The following PTPRD variants were observed in gnomAD, a reference collection of about 807,000 sequenced individuals.
PTPRD encodes the protein receptor-type tyrosine-protein phosphatase delta.
PTPRD carries 34 observed loss-of-function variants against 214.5 expected under a neutral mutation model. The ratio of observed to expected loss-of-function variants is 0.16; its 90% CI spans 0.12 to 0.21. PTPRD has a LOEUF of 0.21. Among genes scored for constraint, PTPRD ranks in the 10% least tolerant of loss-of-function variants. The pLI, the probability that PTPRD is intolerant of heterozygous loss-of-function variation, is 1.00. For missense variants in PTPRD, 2,545 were observed against 2,398.7 expected, an observed-to-expected ratio of 1.06 and a Z score of -1.27; for synonymous variants, 1,128 against 845.7, an observed-to-expected ratio of 1.33 and a Z score of -5.79.
intron 11 of PTPRD, among the ~76,000 whole-genome samples, chr9:8,808,462 CTTTTT>C (rs34627797): frequency 1.0e-5 from 1 of 98,810 alleles, no homozygotes. Context: ...AGCCCCCCAC[CTTTTT>C]TTTTTTTTTT....
At chr9:9,343,137 A>G (rs1241841413) in intron 9 of PTPRD, among the ~76,000 whole-genome samples, 2 of 152,122 alleles carry the variant, frequency 1.3e-5, no homozygotes, top group Admixed American at 1.3e-4. Flanking sequence ...TATCACTGAT[A>G]GGCATTTGGG....
chr9:9,016,962 T>A (rs79964642), intron 11 of PTPRD, among the ~76,000 whole-genome samples: 2,118 of 152,176 alleles, frequency 0.014, 38 homozygotes, highest in African/African-American at 0.047. Context: ...TTAGAGTCAA[T>A]GGGCGTTTTC....
chr9:9,337,276 G>A (rs1274285490), intron 9 of PTPRD, among the ~76,000 whole-genome samples: 1 of 152,154 alleles, frequency 6.6e-6, no homozygotes, highest in African/African-American at 2.4e-5. Flanking sequence ...ATTGTAGTCA[G>A]CAATGAAAGC....
chr9:9,140,780 G>A (rs1202136929), intron 10 of PTPRD, among the ~76,000 whole-genome samples: 4 of 151,970 alleles, frequency 2.6e-5, no homozygotes, highest in Admixed American at 2.6e-4. Context: ...GGGTTTCACC[G>A]TATTAGCCAG....
At chr9:9,672,802 C>A (rs192246852) in intron 7 of PTPRD, among the ~76,000 whole-genome samples, 12 of 152,034 alleles carry the variant, frequency 7.9e-5, no homozygotes, top group Non-Finnish European at 1.5e-4. Flanking sequence ...TCTAGACATA[C>A]GACCTAAATC....
chr9:10,153,607 C>T (rs528712960), intron 3 of PTPRD, among the ~76,000 whole-genome samples: 21 of 151,946 alleles, frequency 1.4e-4, no homozygotes, highest in Non-Finnish European at 2.6e-4. Context: ...ACTACTGTCA[C>T]TGAGGTTTCT....
intron 5 of PTPRD, among the ~76,000 whole-genome samples, chr9:9,870,874 G>C (rs1385571810): frequency 6.6e-6 from 1 of 152,026 alleles, no homozygotes; most frequent in African/African-American, 2.4e-5. Flanking sequence ...AAGGGATAAG[G>C]GATATATACG....
chr9:8,762,951 C>A (rs565533932), intron 11 of PTPRD, among the ~76,000 whole-genome samples: 4 of 152,148 alleles, frequency 2.6e-5, no homozygotes, highest in Non-Finnish European at 4.4e-5. Flanking sequence ...CTCCTTCCAG[C>A]GTGACACTGA....
At chr9:9,928,284 C>A (rs1044802170) in intron 5 of PTPRD, among the ~76,000 whole-genome samples, 3 of 152,114 alleles carry the variant, frequency 2.0e-5, no homozygotes, top group Admixed American at 2.0e-4. Flanking sequence ...TCTTAATATT[C>A]TTTGCCTTTA....
At chr9:9,774,666 C>G (rs2098782250) in intron 5 of PTPRD, among the ~76,000 whole-genome samples, 1 of 152,044 alleles carries the variant, frequency 6.6e-6, no homozygotes, top group African/African-American at 2.4e-5. Flanking sequence ...TTTGAAGGAT[C>G]CATTATACTT....
intron 3 of PTPRD, among the ~76,000 whole-genome samples, chr9:10,186,813 A>G (rs972395716): frequency 9.2e-5 from 14 of 152,118 alleles, no homozygotes; most frequent in African/African-American, 3.4e-4. Flanking sequence ...CATCTGGGGA[A>G]GACTACTGAA....
chr9:8,828,764 T>C (rs965179798), intron 11 of PTPRD, among the ~76,000 whole-genome samples: 1 of 152,220 alleles, frequency 6.6e-6, no homozygotes, highest in Admixed American at 6.5e-5. Context: ...TTTTCTGGAT[T>C]CATTATAAAG....
At chr9:10,227,827 T>C (rs1460730185) in intron 3 of PTPRD, among the ~76,000 whole-genome samples, 2 of 151,968 alleles carry the variant, frequency 1.3e-5, no homozygotes, top group African/African-American at 4.8e-5. Context: ...TGGGCCTATG[T>C]TTTCTACCTG....
At chr9:9,851,484 G>A (rs1043300406) in intron 5 of PTPRD, among the ~76,000 whole-genome samples, 5 of 152,198 alleles carry the variant, frequency 3.3e-5, no homozygotes, top group African/African-American at 9.7e-5. Context: ...AACAAGTACT[G>A]CAGGGCCTAA....
chr9:8,334,255 A>G (rs1844435337), intron 43 of PTPRD, among the ~76,000 whole-genome samples: 1 of 152,144 alleles, frequency 6.6e-6, no homozygotes, highest in Admixed American at 6.6e-5. Flanking sequence ...CATTGCACTT[A>G]TTCTAACATT....
intron 3 of PTPRD, among the ~76,000 whole-genome samples, chr9:10,184,665 C>A (rs1247318502): frequency 6.6e-6 from 1 of 152,186 alleles, no homozygotes; most frequent in Admixed American, 6.5e-5. Flanking sequence ...CCATCATACT[C>A]TTAGTTCCTT....
intron 5 of PTPRD, among the ~76,000 whole-genome samples, chr9:9,838,934 A>G (rs917892204): frequency 2.0e-5 from 3 of 151,960 alleles, no homozygotes; most frequent in South Asian, 2.1e-4. Context: ...ATCTTGAATT[A>G]ATTTTTGTAT....
intron 7 of PTPRD, among the ~76,000 whole-genome samples, chr9:9,707,008 G>C (rs1021550621): frequency 3.3e-5 from 5 of 152,054 alleles, no homozygotes; most frequent in African/African-American, 9.7e-5. Context: ...AAGTATAGAA[G>C]TGAAAAATAC....
intron 31 of PTPRD, among the ~76,000 whole-genome samples, chr9:8,468,812 A>C (rs2096596455): frequency 6.6e-6 from 1 of 151,552 alleles, no homozygotes; most frequent in Admixed American, 6.6e-5. Flanking sequence ...AAAAAAAAAA[A>C]AAAAACTCTC....
Sources: gnomAD v4.1 joint callset for allele counts (sites outside exome capture counted in the v4.1 genomes callset) on GRCh38, gnomAD v4.1.1 for gene constraint, MANE v1.5 for transcripts, NCBI Gene and HGNC (gene_info 2026-07-23, HGNC 2026-07-21) for gene names.